The following PLCB1 variants were observed in gnomAD, a reference collection of about 807,000 sequenced individuals.
The protein encoded by PLCB1 is phospholipase C beta 1.
PLCB1 carries 46 observed loss-of-function variants against 161.8 expected under a neutral mutation model. That is an observed-to-expected ratio of 0.28 (90% CI 0.22 to 0.36). The LOEUF (loss-of-function observed/expected upper bound fraction) is 0.36, where lower values mean the gene tolerates loss of function less well. Ranked by LOEUF, PLCB1 falls within the 10% of genes least tolerant of loss-of-function variation. The probability of loss-of-function intolerance (pLI) is 1.00; values close to 1 mark genes in which losing one functional copy is unlikely to be tolerated. For synonymous variants in PLCB1, 517 were observed against 503.7 expected (o/e 1.03, Z -0.35); for missense variants, 1,016 against 1,472.5 (o/e 0.69, Z 5.07).
At chr20:8,754,393 C>CA (rs5840280) in intron 23 of PLCB1, among the ~76,000 whole-genome samples, 2,189 of 129,918 alleles carry the variant, frequency 0.017, 41 homozygotes, top group African/African-American at 0.05. Context: ...TTTTAGTTGC[C>CA]AAAAAAAAAA....
At chr20:8,840,124 G>T (rs1311881567) in intron 31 of PLCB1, among the ~76,000 whole-genome samples, 1 of 151,086 alleles carries the variant, frequency 6.6e-6, no homozygotes, top group African/African-American at 2.4e-5. Flanking sequence ...TCAATGTTCT[G>T]TTCATATCAC....
intron 3 of PLCB1, among the ~76,000 whole-genome samples, chr20:8,526,018 G>A (rs1447788560): frequency 6.6e-6 from 1 of 151,938 alleles, no homozygotes; most frequent in Non-Finnish European, 1.5e-5. Context: ...CTTTTGGAGC[G>A]GGATAGTAAC....
At chr20:8,778,953 G>A (rs893188691) in intron 27 of PLCB1, among the ~76,000 whole-genome samples, 3 of 152,212 alleles carry the variant, frequency 2.0e-5, no homozygotes, top group Non-Finnish European at 4.4e-5. Flanking sequence ...AAGGCACCCA[G>A]AAGTGTTAGT....
intron 31 of PLCB1, among the ~76,000 whole-genome samples, chr20:8,842,400 C>T (rs1005298716): frequency 1.3e-5 from 2 of 152,156 alleles, no homozygotes; most frequent in African/African-American, 4.8e-5. Flanking sequence ...GTTTTAAACA[C>T]ATAAAGTGCT....
At chr20:8,773,529 G>A (rs6056093) in intron 26 of PLCB1, among the ~76,000 whole-genome samples, 48,057 of 152,104 alleles carry the variant, frequency 0.32, 7,655 homozygotes, top group Middle Eastern at 0.49. Flanking sequence ...ATACTGCTAA[G>A]AGGAAGCATT....
chr20:8,369,901 T>C (rs148765623), intron 2 of PLCB1, among the ~76,000 whole-genome samples: 283 of 152,294 alleles, frequency 1.9e-3, no homozygotes, highest in African/African-American at 6.6e-3. Flanking sequence ...TGGCCTTTAC[T>C]ACAAGGCAAT....
chr20:8,230,056 CAAAAAAAAAA>C (rs547874616), intron 2 of PLCB1, among the ~76,000 whole-genome samples: 2,853 of 58,860 alleles, frequency 0.048, 116 homozygotes, highest in African/African-American at 0.1. Context: ...GACTTGGCAG[CAAAAAAAAAA>C]AAAAAAAAAA....
intron 3 of PLCB1, among the ~76,000 whole-genome samples, chr20:8,471,099 C>T (rs947116694): frequency 6.6e-6 from 1 of 152,166 alleles, no homozygotes; most frequent in African/African-American, 2.4e-5. Context: ...GGTTCTAATA[C>T]AGTATTTAAT....
chr20:8,402,852 TA>T (rs1014051251), intron 3 of PLCB1, among the ~76,000 whole-genome samples: 11 of 150,070 alleles, frequency 7.3e-5, no homozygotes, highest in Non-Finnish European at 1.3e-4. Flanking sequence ...CTCAAAAAAA[TA>T]AAAAAAAAAT....
intron 2 of PLCB1, among the ~76,000 whole-genome samples, chr20:8,171,946 C>T (rs1447082414): frequency 6.6e-6 from 1 of 152,140 alleles, no homozygotes; most frequent in Non-Finnish European, 1.5e-5. Context: ...TGAGTGTTCA[C>T]TTCTCTGGGA....
At chr20:8,263,523 T>C (rs921919992) in intron 2 of PLCB1, among the ~76,000 whole-genome samples, 1 of 152,192 alleles carries the variant, frequency 6.6e-6, no homozygotes, top group Non-Finnish European at 1.5e-5. Flanking sequence ...ATTATAATCA[T>C]GTGTCACTTA....
rs144877671 is a variant in PLCB1, at chr20:8,205,636, T to C, written c.177+55265T>C. On this transcript the variant is annotated intron_variant, in intron 2 of 31. Transcript: ENST00000338037. Reference sequence around the variant, plus strand: ...AAATTATGGCACTTGTGAGATAATTTGAATATTGAGTATTTGATGATATTT... The same window carrying C: ...AAATTATGGCACTTGTGAGATAATTCGAATATTGAGTATTTGATGATATTT... Among the ~76,000 whole-genome samples, 20 of 152,330 alleles carry C rather than the reference T, an allele frequency of 1.3e-4. No homozygotes were observed. The East Asian group carries it at 3.9e-3, about 29-fold the overall frequency.
chr20:8,342,492 C>T (rs890225302), intron 2 of PLCB1, among the ~76,000 whole-genome samples: 4 of 152,172 alleles, frequency 2.6e-5, no homozygotes, highest in African/African-American at 9.6e-5. Context: ...ACACATTTTG[C>T]AGATAGAGAG....
At chr20:8,396,681 A>G (rs1987776816) in intron 3 of PLCB1, among the ~76,000 whole-genome samples, 1 of 152,058 alleles carries the variant, frequency 6.6e-6, no homozygotes, top group Non-Finnish European at 1.5e-5. Flanking sequence ...ATTCAACTAA[A>G]TAAGTTGCCT....
chr20:8,679,287 G>A (rs1478095116), intron 9 of PLCB1, among the ~76,000 whole-genome samples: 1 of 152,158 alleles, frequency 6.6e-6, no homozygotes, highest in African/African-American at 2.4e-5. Context: ...AATAGATAAA[G>A]GGATCCGAAC....
intron 9 of PLCB1, among the ~76,000 whole-genome samples, chr20:8,679,505 G>A (rs1990164094): frequency 6.6e-6 from 1 of 152,286 alleles, no homozygotes; most frequent in South Asian, 2.1e-4. Flanking sequence ...AAGCATGATG[G>A]CATCCAGCTG....
chr20:8,757,865 GAATA>G (rs147856693), intron 24 of PLCB1, among the ~76,000 whole-genome samples: 95,193 of 148,634 alleles, frequency 0.64, 30,713 homozygotes, highest in East Asian at 0.84. Context: ...ATGAATAAAT[GAATA>G]AATAAATAAA....
rs1174973173 is a variant in PLCB1, at chr20:8,523,465, G to GCTCTCTCTCTCTCTCTCTCTCT, written c.247-104818_247-104797dup. 8.8e-4 allele frequency among the ~76,000 whole-genome samples: 43 copies of GCTCTCTCTCTCTCTCTCTCTCT among 48,796 alleles called. 1 individual carries two copies. Among genetic ancestry groups the GCTCTCTCTCTCTCTCTCTCTCT allele is most frequent in the Non-Finnish European group, 1.2e-3 (33 of 27,800 alleles). The allele number at this position is 48,796 out of a possible 152,430, so 32.0% of individuals were successfully genotyped here. ...ACGACAACAAATATATATATATTTG[G>GCTCTCTCTCTCTCTCTCTCTCT]CTCTCTCTCTCTCTCTCTCTCTCTC... On this transcript the variant is annotated intron_variant, in intron 3 of 31. Coordinates refer to ENST00000338037, the MANE Select transcript of PLCB1 (RefSeq NM_015192.4).
At chr20:8,526,098 C>T (rs1288212998) in intron 3 of PLCB1, among the ~76,000 whole-genome samples, 1 of 151,948 alleles carries the variant, frequency 6.6e-6, no homozygotes, top group Non-Finnish European at 1.5e-5. Context: ...GGTGGAGATA[C>T]CTGAGTATGT....
Sources: allele counts gnomAD v4.1 joint callset (sites outside exome capture counted in the v4.1 genomes callset), GRCh38; gene constraint gnomAD v4.1.1; transcripts MANE v1.5; gene names NCBI Gene and HGNC (gene_info 2026-07-23, HGNC 2026-07-21).